The following MAP7 variants were observed in gnomAD, a reference collection of about 807,000 sequenced individuals.
MAP7 encodes the protein microtubule associated protein 7.
MAP7 carries 52 observed loss-of-function variants against 94.8 expected under a neutral mutation model. The observed-to-expected ratio is 0.55, with a 90% CI of 0.44 to 0.69. MAP7 has a LOEUF of 0.69. MAP7 is among the 30% of genes least tolerant of loss of function. The pLI is 0.00. For missense variants in MAP7, 940 were observed against 964.6 expected (o/e 0.97, Z 0.34); for synonymous variants, 350 against 357.0 (o/e 0.98, Z 0.22).
rs79509938 is a variant in MAP7, at chr6:136,438,463, G to A, written c.68-16664C>T. On this transcript the variant is annotated intron_variant, in intron 1 of 17. Transcript: ENST00000354570. The stretch of plus-strand genomic sequence containing the variant: ...AAACTCACTTGCTGGGCTATCTGGA[G>A]AAGAACTAAGATGGGGTTCAGGAAC... 0.012 allele frequency among the ~76,000 whole-genome samples: 1,802 copies of A among 152,308 alleles called. 83 individuals carry two copies. The East Asian group carries it at 0.13, about 11-fold the overall frequency.
At chr6:136,503,562 C>T (rs547465635) in intron 1 of MAP7, among the ~76,000 whole-genome samples, 38 of 152,158 alleles carry the variant, frequency 2.5e-4, no homozygotes, top group Non-Finnish European at 4.7e-4. Context: ...AAACAATTAG[C>T]TTTATACCAG....
intron 1 of MAP7, chr6:136,466,918 CA>C: frequency 6.8e-7 from 1 of 1,469,706 alleles, no homozygotes; most frequent in African/African-American, 1.4e-5. Context: ...ATCTCTCACA[CA>C]GCTTGAGGTA....
chr6:136,443,785 C>T (rs1231916485), intron 1 of MAP7, among the ~76,000 whole-genome samples: 1 of 152,094 alleles, frequency 6.6e-6, no homozygotes, highest in African/African-American at 2.4e-5. Flanking sequence ...TCTTATGCAT[C>T]CTGAACATTA....
At chr6:136,487,930 A>G (rs1447157799) in intron 1 of MAP7, among the ~76,000 whole-genome samples, 1 of 152,206 alleles carries the variant, frequency 6.6e-6, no homozygotes, top group South Asian at 2.1e-4. Context: ...GTCCTCTGTT[A>G]AGAGTCATAC....
At chr6:136,369,304 C>T (rs529919832) in intron 8 of MAP7, among the ~76,000 whole-genome samples, 19 of 152,248 alleles carry the variant, frequency 1.2e-4, no homozygotes, top group Admixed American at 9.8e-4. Context: ...CTGGGCACTA[C>T]GACTCATGTC....
At chr6:136,466,650 G>T in intron 1 of MAP7, 3 of 999,356 alleles carry the variant, frequency 3.0e-6, no homozygotes, top group South Asian at 1.8e-5. Context: ...TTCCTACTCT[G>T]TACTTCCACT....
chr6:136,429,202 A>T (rs954757113), intron 1 of MAP7, among the ~76,000 whole-genome samples: 2 of 152,090 alleles, frequency 1.3e-5, no homozygotes, highest in Non-Finnish European at 1.5e-5. Context: ...ATTAGGCAAG[A>T]CTCAAAATCA....
chr6:136,504,169 A>T (rs2129014694), intron 1 of MAP7, among the ~76,000 whole-genome samples: 1 of 152,304 alleles, frequency 6.6e-6, no homozygotes. Flanking sequence ...TATTATTTAT[A>T]GATATATATA....
At chr6:136,396,138 G>C (rs1782397029) in intron 3 of MAP7, among the ~76,000 whole-genome samples, 1 of 151,946 alleles carries the variant, frequency 6.6e-6, no homozygotes, top group Non-Finnish European at 1.5e-5. Flanking sequence ...TGAATCTGTA[G>C]ATCACTTTAA....
At chr6:136,444,859 G>C (rs907827721) in intron 1 of MAP7, among the ~76,000 whole-genome samples, 1 of 152,082 alleles carries the variant, frequency 6.6e-6, no homozygotes, top group Non-Finnish European at 1.5e-5. Context: ...CATGCTACTT[G>C]AAGCTTCAAT....
At chr6:136,371,211 C>T (rs1376990394) in intron 8 of MAP7, among the ~76,000 whole-genome samples, 1 of 152,096 alleles carries the variant, frequency 6.6e-6, no homozygotes, top group South Asian at 2.1e-4. Context: ...CACAGGTGGC[C>T]CTCAACCTTC....
chr6:136,463,540 C>T (rs762713487), intron 1 of MAP7, among the ~76,000 whole-genome samples: 2 of 151,900 alleles, frequency 1.3e-5, no homozygotes, highest in Admixed American at 1.3e-4. Flanking sequence ...GTGTTTTTTC[C>T]ACCTTAACTA....
intron 8 of MAP7, among the ~76,000 whole-genome samples, chr6:136,371,489 C>T (rs940123739): frequency 6.6e-6 from 1 of 152,110 alleles, no homozygotes; most frequent in Non-Finnish European, 1.5e-5. Context: ...CCAGAAAGGC[C>T]GATGGAGCTT....
chr6:136,411,830 C>T, intron 2 of MAP7, 133 bp from the exon 3 acceptor site: 1 of 675,680 alleles, frequency 1.5e-6, no homozygotes. Context: ...ACAATAAGTA[C>T]ATGTGACTAG....
chr6:136,388,578 C>A, intron 4 of MAP7, 68 bp from the exon 5 acceptor site: 1 of 1,246,412 alleles, frequency 8.0e-7, no homozygotes, highest in South Asian at 1.2e-5. Context: ...CAATTTAAGG[C>A]AGAATGGAGT....
At chr6:136,548,802 A>C (rs2088490517) in intron 1 of MAP7, among the ~76,000 whole-genome samples, 1 of 152,240 alleles carries the variant, frequency 6.6e-6, no homozygotes, top group Non-Finnish European at 1.5e-5. Context: ...GTTGTTTCAC[A>C]TGCAGTTACT....
chr6:136,362,651 G>A lies in MAP7; in HGVS notation c.1325C>T (p.Ala442Val), dbSNP rs1319470702. The change falls in exon 11 of 18, where the codon GCC becomes GTC. Residue 442 changes from alanine to valine, a missense_variant. By Grantham distance (64) the Ala-to-Val change is moderately conservative. Transcript: ENST00000354570. ...GGTGGGGACCGGGGCTGGAGCTGGGGCCGAGGCTGGAGCTGGGGCCGAGGC... is the reference window on the plus strand; with the variant it reads ...GGTGGGGACCGGGGCTGGAGCTGGGACCGAGGCTGGAGCTGGGGCCGAGGC... Reference protein sequence around the residue: ...APASAPAPASAPAPAPVPTPA... With the variant: ...APASAPAPASVPAPAPVPTPA... 1 of 1,606,128 alleles carries A rather than the reference G, an allele frequency of 6.2e-7. No homozygotes were observed. The highest frequency in any genetic ancestry group is 2.3e-5 in the East Asian group (1 of 44,408).
Position 136,509,624 on chromosome 6 carries a change from T to C in MAP7, c.67+40718A>G, listed in dbSNP as rs60098347. 0.012 allele frequency among the ~76,000 whole-genome samples: 1,878 copies of C among 152,218 alleles called. 82 individuals are homozygous for C. In the East Asian group the frequency reaches 0.14, roughly 11 times the overall value. On this transcript the variant is annotated intron_variant, in intron 1 of 17. Coordinates refer to ENST00000354570, the MANE Select transcript of MAP7 (RefSeq NM_003980.6). ...CACAGGCTGGAGTGCAGTGGCATGA[T>C]TATAGCTCACTGCAGCCTCAATCTC...
intron 6 of MAP7, among the ~76,000 whole-genome samples, chr6:136,381,917 C>G (rs75135052): frequency 9.0e-4 from 123 of 135,938 alleles, no homozygotes; most frequent in African/African-American, 2.0e-3. Context: ...CACACACACA[C>G]ACAGAGAGAG....
Sources: gnomAD v4.1 joint callset for allele counts (sites outside exome capture counted in the v4.1 genomes callset) on GRCh38, gnomAD v4.1.1 for gene constraint, MANE v1.5 for transcripts, NCBI Gene and HGNC (gene_info 2026-07-23, HGNC 2026-07-21) for gene names.